The following KLHL5 variants were observed in gnomAD, a reference collection of about 807,000 sequenced individuals.
The protein encoded by KLHL5 is kelch like family member 5.
KLHL5 carries 48 observed loss-of-function variants against 77.7 expected under a neutral mutation model. The ratio of observed to expected loss-of-function variants is 0.62; its 90% CI spans 0.49 to 0.79. The LOEUF (loss-of-function observed/expected upper bound fraction) is 0.79, where lower values mean the gene tolerates loss of function less well. Ranked by LOEUF, KLHL5 falls within the 30% of genes least tolerant of loss-of-function variation. KLHL5 has a pLI of 0.00. For synonymous variants in KLHL5, 260 were observed against 297.0 expected (o/e 0.88, Z 1.28); for missense variants, 723 against 859.7 (o/e 0.84, Z 1.99).
At chr4:39,115,826 CA>C (rs1222883201) in intron 10 of KLHL5, 1 of 1,019,256 alleles carries the variant, frequency 9.8e-7, no homozygotes, top group Admixed American at 5.7e-5. Context: ...GTCTTACTAA[CA>C]GAAAGAATTT....
At chr4:39,110,147 A>C (rs1722348147) in intron 8 of KLHL5, among the ~76,000 whole-genome samples, 1 of 152,202 alleles carries the variant, frequency 6.6e-6, no homozygotes, top group Non-Finnish European at 1.5e-5. Context: ...GTTTATTTTA[A>C]ACTTATTTAA....
the KLHL5 span, among the ~76,000 whole-genome samples, chr4:39,132,964 A>G: frequency 1.3e-5 from 2 of 152,218 alleles, no homozygotes; most frequent in Non-Finnish European, 2.9e-5. Flanking sequence ...AAGTATTGTA[A>G]TACCTAAAAA....
chr4:39,062,797 G>T lies in KLHL5; in HGVS notation c.145G>T (p.Gly49Cys), dbSNP rs754510958. The stretch of plus-strand genomic sequence containing the variant: ...GAACCGAGGACAGACTGGAGCAAAC[G>T]GTGGGAGAAAGTTTTTAGATCCATG... ...FWNRGQTGANGGRKFLDPCSL... is the reference protein window; with the variant it reads ...FWNRGQTGANCGRKFLDPCSL... The change falls in exon 1 of 11, where the codon GGT becomes TGT. Residue 49 changes from glycine (G) to cysteine (C), a missense_variant. Gly to Cys is a radical substitution (Grantham distance 159). Transcript: ENST00000504108. 6.2e-7 allele frequency: 1 copy of T among 1,614,062 alleles called. No individual in the cohort carries two copies. The highest frequency in any genetic ancestry group is 8.5e-7 in the Non-Finnish European group (1 of 1,179,966).
chr4:39,093,449 A>G (rs1220264501), intron 5 of KLHL5: 1 of 455,918 alleles, frequency 2.2e-6, no homozygotes, highest in Admixed American at 2.4e-5. Flanking sequence ...ATTTACTACA[A>G]ATCATTGAAT....
chr4:39,126,708 T>A (rs1448552587), downstream of KLHL5: 1 of 456,120 alleles, frequency 2.2e-6, no homozygotes, highest in Admixed American at 2.4e-5. Context: ...TTTCACATAC[T>A]TTTGAGGACA....
intron 2 of KLHL5, among the ~76,000 whole-genome samples, chr4:39,077,774 A>G (rs972678177): frequency 2.7e-5 from 4 of 148,780 alleles, no homozygotes; most frequent in Non-Finnish European, 6.0e-5. Context: ...TCCCACTACT[A>G]ACTATCAATT....
Position 39,080,142 on chromosome 4 carries a change from A to T in KLHL5, c.567-961A>T, listed in dbSNP as rs1719474719. ...GATTATCTGTATCATAATTTTTATT[A>T]CTTTTAAAAATGAAAATGTTTATTT... On this transcript the variant is annotated intron_variant, in intron 2 of 10. Coordinates refer to ENST00000504108, the MANE Select transcript of KLHL5 (RefSeq NM_015990.5). Among the ~76,000 whole-genome samples, 3 of 152,190 alleles carry T rather than the reference A, an allele frequency of 2.0e-5. No homozygotes were observed. The South Asian group carries it at 6.2e-4, about 31-fold the overall frequency.
intron 1 of KLHL5, among the ~76,000 whole-genome samples, chr4:39,051,854 T>C (rs779475755): frequency 5.9e-5 from 9 of 152,198 alleles, no homozygotes; most frequent in Non-Finnish European, 1.3e-4. Flanking sequence ...AGCTTCCTTA[T>C]GAGGTATTTA....
intron 1 of KLHL5, among the ~76,000 whole-genome samples, chr4:39,068,305 A>G (rs1718089323): frequency 6.6e-6 from 1 of 152,142 alleles, no homozygotes; most frequent in Non-Finnish European, 1.5e-5. Flanking sequence ...GGATAGCAGA[A>G]GAAGTTTATA....
At chr4:39,072,539 G>C (rs1285865908) in intron 1 of KLHL5, among the ~76,000 whole-genome samples, 1 of 152,124 alleles carries the variant, frequency 6.6e-6, no homozygotes, top group Non-Finnish European at 1.5e-5. Flanking sequence ...GTAGCCACTA[G>C]CCCCAAGAGA....
intron 9 of KLHL5, among the ~76,000 whole-genome samples, chr4:39,114,206 G>A (rs1722668746): frequency 6.6e-6 from 1 of 152,280 alleles, no homozygotes; most frequent in Non-Finnish European, 1.5e-5. Flanking sequence ...TCCAGGCTGG[G>A]AAGTTCAAGA....
intron 1 of KLHL5, among the ~76,000 whole-genome samples, chr4:39,068,068 A>C (rs1718067411): frequency 6.6e-6 from 1 of 151,806 alleles, no homozygotes; most frequent in South Asian, 2.1e-4. Context: ...CCAAACTCTT[A>C]TTTTTTGGTC....
At chr4:39,093,458 A>G (rs1720776184) in intron 5 of KLHL5, 1 of 455,826 alleles carries the variant, frequency 2.2e-6, no homozygotes. Context: ...AAATCATTGA[A>G]TTGTGTACTT....
intron 1 of KLHL5, among the ~76,000 whole-genome samples, chr4:39,064,824 C>A (rs372502140): frequency 6.6e-6 from 1 of 151,526 alleles, no homozygotes; most frequent in East Asian, 1.9e-4. Flanking sequence ...TTTAAATTGA[C>A]GTTTTTCATT....
At chr4:39,129,186 CT>C (rs34334896), downstream of KLHL5, among the ~76,000 whole-genome samples, 1,161 of 138,208 alleles carry the variant, frequency 8.4e-3, 8 homozygotes, top group African/African-American at 0.016. This position sits in a 1 kb window ranked among gnomAD's most constrained non-coding sequence, Gnocchi z 4.2. Flanking sequence ...ACAATTACAA[CT>C]TTTTTTTTTT....
At chr4:39,137,816 T>C in the KLHL5 span, among the ~76,000 whole-genome samples, 8 of 151,464 alleles carry the variant, frequency 5.3e-5, no homozygotes, top group East Asian at 1.6e-3. Context: ...AATTTAAGCA[T>C]AAAAATAAAT....
chr4:39,134,000 G>GA, the KLHL5 span: 1 of 152,010 alleles, frequency 6.6e-6, no homozygotes, highest in East Asian at 1.9e-4. Flanking sequence ...GAGAATGAGG[G>GA]AAAAAACTAC....
intron 2 of KLHL5, among the ~76,000 whole-genome samples, chr4:39,078,460 CGAG>C (rs1424209683): frequency 7.1e-4 from 107 of 151,750 alleles, no homozygotes; most frequent in Non-Finnish European, 1.4e-3. Context: ...TTTGGAAGGC[CGAG>C]GTGGGTGGAT....
chr4:39,068,293 A>G (rs1441631759), intron 1 of KLHL5, among the ~76,000 whole-genome samples: 1 of 152,054 alleles, frequency 6.6e-6, no homozygotes, highest in Admixed American at 6.5e-5. Flanking sequence ...ATGTGTTTCC[A>G]GGGATAGCAG....
Sources: gnomAD v4.1 joint callset for allele counts (sites outside exome capture counted in the v4.1 genomes callset) on GRCh38, gnomAD v4.1.1 for gene constraint, Gnocchi (gnomAD v3.1) non-coding constraint, MANE v1.5 for transcripts, NCBI Gene and HGNC (gene_info 2026-07-23, HGNC 2026-07-21) for gene names.